TNIP1: variants seen among roughly 807,000 people sequenced by gnomAD.
The protein encoded by TNIP1 is TNFAIP3 interacting protein 1.
Under a neutral mutation model 86.6 loss-of-function variants are expected in TNIP1, and 22 were observed. The ratio of observed to expected loss-of-function variants is 0.25; its 90% CI spans 0.18 to 0.36. TNIP1 has a LOEUF of 0.36. TNIP1 is among the 10% of genes least tolerant of loss of function. The probability of loss-of-function intolerance (pLI) is 1.00; values close to 1 mark genes in which losing one functional copy is unlikely to be tolerated. For missense variants in TNIP1, 709 were observed against 820.6 expected, an observed-to-expected ratio of 0.86 and a Z score of 1.66; for synonymous variants, 294 against 313.0, an observed-to-expected ratio of 0.94 and a Z score of 0.64.
chr5:151,061,829 T>C (rs1246054731), intron 4 of TNIP1, among the ~76,000 whole-genome samples: 2 of 152,192 alleles, frequency 1.3e-5, no homozygotes, highest in African/African-American at 4.8e-5. Flanking sequence ...CCATGTCACA[T>C]CTGTCTGTTT....
chr5:151,069,705 AG>A (rs1161365128), intron 1 of TNIP1, among the ~76,000 whole-genome samples: 1 of 152,078 alleles, frequency 6.6e-6, no homozygotes, highest in African/African-American at 2.4e-5. Context: ...GGGCTGGCAG[AG>A]GGGGTATAGG....
At chr5:151,039,812 G>C (rs1188791262) in intron 11 of TNIP1, among the ~76,000 whole-genome samples, 1 of 152,232 alleles carries the variant, frequency 6.6e-6, no homozygotes, top group Non-Finnish European at 1.5e-5. Flanking sequence ...AAGGCAGAGA[G>C]TGCTCCTCCA....
chr5:151,051,254 A>G (rs1047541503), intron 7 of TNIP1, among the ~76,000 whole-genome samples: 1 of 152,224 alleles, frequency 6.6e-6, no homozygotes, highest in African/African-American at 2.4e-5. Flanking sequence ...CCATACTTAC[A>G]AAGTTTATAT....
rs745321247 is a variant in TNIP1 at position 151,062,251 on chromosome 5, G to GGGGAGAAGCC, written c.272-49_272-40dup. ...AAAGCACAGATGAACTGACTGGGAAGGGGAGAAGCCCAGGTACCACCCTCT... is the reference window on the plus strand; with the variant it reads ...AAAGCACAGATGAACTGACTGGGAAGGGGAGAAGCCGGGAGAAGCCCAGGTACCACCCTCT... On this transcript the variant is annotated intron_variant, in intron 3 of 17. Coordinates refer to ENST00000521591, the MANE Select transcript of TNIP1 (RefSeq NM_006058.5). 41 of 1,589,748 alleles carry GGGGAGAAGCC rather than the reference G, an allele frequency of 2.6e-5. No individual in the cohort carries two copies. In the Admixed American group the frequency reaches 5.3e-4, roughly 21 times the overall value.
chr5:151,069,198 C>G (rs1375786671), intron 1 of TNIP1, among the ~76,000 whole-genome samples: 4 of 152,172 alleles, frequency 2.6e-5, no homozygotes, highest in South Asian at 2.1e-4. Context: ...CAGCCTTACC[C>G]CAGAAAGAGA....
intron 6 of TNIP1, among the ~76,000 whole-genome samples, chr5:151,055,415 C>G (rs1266920196): frequency 6.6e-6 from 1 of 152,112 alleles, no homozygotes; most frequent in Non-Finnish European, 1.5e-5. Context: ...GTGCTCTCAC[C>G]CCAGGCACCT....
chr5:151,036,957 C>T (rs758229230), intron 12 of TNIP1, 36 bp from the exon 13 acceptor site: 6 of 1,553,110 alleles, frequency 3.9e-6, no homozygotes, highest in Non-Finnish European at 5.2e-6. Flanking sequence ...TCAGCAGGAA[C>T]CCCTGGAAAT....
chr5:151,064,534 C>A lies in TNIP1; in HGVS notation c.136+426G>T, dbSNP rs546500173. The stretch of plus-strand genomic sequence containing the variant: ...GAGCCAGGAGAAGAGAACTGAGGGA[C>A]CTACCACCTCCTTGCTTCAAGCCAA... On this transcript the variant is annotated intron_variant, in intron 2 of 17. Transcript: ENST00000521591. Among the ~76,000 whole-genome samples the A allele has an allele frequency of 7.2e-5, 11 of 152,236 alleles. No homozygotes were observed. In the South Asian group the frequency reaches 1.7e-3, roughly 23 times the overall value.
chr5:151,075,258 T>C (rs544870599), intron 1 of TNIP1, among the ~76,000 whole-genome samples: 2 of 152,338 alleles, frequency 1.3e-5, no homozygotes, highest in Non-Finnish European at 2.9e-5. Flanking sequence ...TTAAACCAGA[T>C]GAGTGAGCAT....
intron 12 of TNIP1, among the ~76,000 whole-genome samples, chr5:151,037,955 G>C (rs1358824544): frequency 6.6e-6 from 1 of 152,218 alleles, no homozygotes; most frequent in Non-Finnish European, 1.5e-5. Flanking sequence ...GCGACAGGGA[G>C]ATGCCTAGGT....
intron 11 of TNIP1, among the ~76,000 whole-genome samples, chr5:151,040,644 C>T (rs1758300374): frequency 6.6e-6 from 1 of 152,102 alleles, no homozygotes. Flanking sequence ...CTGCGAGTCA[C>T]CAGGTATGAC....
rs1200544660 is a variant in TNIP1 at position 151,059,773 on chromosome 5, GAGAGAC to G, written c.435+539_435+544del. On this transcript the variant is annotated intron_variant, in intron 5 of 17. Transcript: ENST00000521591. ...CTGGGCAGACGCTCCAGAGCTGTACGAGAGACAGAGAGAGAGAGAGAGAGAGAGAGA... is the reference window on the plus strand; with the variant it reads ...CTGGGCAGACGCTCCAGAGCTGTACGAGAGAGAGAGAGAGAGAGAGAGAGA... 8.0e-4 allele frequency among the ~76,000 whole-genome samples: 92 copies of G among 115,014 alleles called. 1 individual carries two copies. The highest frequency in any genetic ancestry group is 3.0e-3 in the African/African-American group (84 of 28,300). The allele number at this position is 115,014 out of a possible 152,430, so 75.5% of individuals were successfully genotyped here. A position where few individuals can be genotyped will look rare whatever the true frequency, so the allele number is the denominator to read the frequency against.
upstream of TNIP1, among the ~76,000 whole-genome samples, chr5:151,082,924 C>A (rs1034574100): frequency 2.6e-5 from 4 of 152,192 alleles, no homozygotes; most frequent in Non-Finnish European, 5.9e-5. Flanking sequence ...CCATAGATAA[C>A]AAACCCCTAT....
chr5:151,039,038 T>A (rs1581745880), intron 12 of TNIP1, 59 bp downstream of exon 12: 1 of 1,572,382 alleles, frequency 6.4e-7, no homozygotes, highest in Non-Finnish European at 8.6e-7. Context: ...AGTGATGGGG[T>A]GGGCATTGCA....
upstream of TNIP1, among the ~76,000 whole-genome samples, chr5:151,084,724 C>T (rs144948107): frequency 1.7e-3 from 260 of 152,234 alleles, no homozygotes; most frequent in African/African-American, 5.9e-3. Flanking sequence ...GAATGGAACT[C>T]GGGAGCAGCT....
At chr5:151,061,085 T>C (rs1761507410) in intron 4 of TNIP1, among the ~76,000 whole-genome samples, 1 of 152,164 alleles carries the variant, frequency 6.6e-6, no homozygotes, top group African/African-American at 2.4e-5. Flanking sequence ...AATCCCAGAT[T>C]TTTTCACATC....
In TNIP1 at chr5:151,060,330, A is replaced by T; in HGVS notation, c.423T>A (p.His141Gln). ...CCCGTCCACTCACCATCGCATTGGC[A>T]TGGCTGCTGCTCTCTGGTGAATTCT... is the stretch of plus-strand genomic sequence containing the variant. ...EEQNSPESSS[H>Q]ANAMALGPLP... Residue 141 changes from histidine (H) to glutamine (Q), a missense_variant, in exon 5 of 18, where the codon CAT becomes CAA. Physicochemically the swap from His to Gln is conservative, Grantham distance 24 (BLOSUM62 0). Transcript: ENST00000521591. 1 of 1,614,156 alleles carries T rather than the reference A, an allele frequency of 6.2e-7. No individual in the cohort carries two copies. The highest frequency in any genetic ancestry group is 1.3e-5 in the African/African-American group (1 of 75,044).
chr5:151,053,175 T>C (rs191055982), intron 6 of TNIP1, among the ~76,000 whole-genome samples: 1 of 142,594 alleles, frequency 7.0e-6, no homozygotes, highest in Non-Finnish European at 1.5e-5. Flanking sequence ...AGTAGCATGA[T>C]CTCAGCTCAC....
intron 8 of TNIP1, among the ~76,000 whole-genome samples, chr5:151,048,249 G>A (rs1458845653): frequency 2.0e-5 from 3 of 152,206 alleles, no homozygotes; most frequent in African/African-American, 7.2e-5. Flanking sequence ...GAGGGAGAGA[G>A]GAGTCCACGT....
Sources: allele counts gnomAD v4.1 joint callset (sites outside exome capture counted in the v4.1 genomes callset), GRCh38; gene constraint gnomAD v4.1.1; transcripts MANE v1.5; gene names NCBI Gene and HGNC (gene_info 2026-07-23, HGNC 2026-07-21).